FDFT1: variants seen among roughly 807,000 people sequenced by gnomAD.
FDFT1 encodes the protein squalene synthase.
FDFT1 carries 68 observed loss-of-function variants against 46.8 expected under a neutral mutation model. The ratio of observed to expected loss-of-function variants is 1.45; its 90% CI spans 1.19 to 1.78. FDFT1 has a LOEUF of 1.78. Ranked by LOEUF, FDFT1 falls within the 40% of genes most tolerant of loss-of-function variation. The probability of loss-of-function intolerance (pLI) is 0.00; values close to 1 mark genes in which losing one functional copy is unlikely to be tolerated. For synonymous variants in FDFT1, 351 were observed against 185.1 expected, an observed-to-expected ratio of 1.90 and a Z score of -7.28; for missense variants, 928 against 524.4, an observed-to-expected ratio of 1.77 and a Z score of -7.52.
chr8:11,816,519 T>G (rs1290079461), intron 3 of FDFT1, among the ~76,000 whole-genome samples: 1 of 152,232 alleles, frequency 6.6e-6, no homozygotes, highest in Non-Finnish European at 1.5e-5. Context: ...GTTCTTCCAT[T>G]TGTTTATGGC....
intron 3 of FDFT1, among the ~76,000 whole-genome samples, chr8:11,812,427 T>TG (rs1437540226): frequency 1.3e-5 from 2 of 152,074 alleles, no homozygotes; most frequent in Admixed American, 1.3e-4. Flanking sequence ...CTCAAATGAA[T>TG]GTGAGGTGCC....
At chr8:11,802,624 C>T (rs1806262094), upstream of FDFT1, 1 of 592,924 alleles carries the variant, frequency 1.7e-6, no homozygotes, top group Non-Finnish European at 3.0e-6. Flanking sequence ...CAGCGCCCGT[C>T]AGCCCACCCC....
At chr8:11,819,096 T>C (rs371618657) in intron 3 of FDFT1, among the ~76,000 whole-genome samples, 1 of 152,176 alleles carries the variant, frequency 6.6e-6, no homozygotes, top group African/African-American at 2.4e-5. Context: ...GGATTTTATT[T>C]CTCCTTCACT....
intron 4 of FDFT1, 62 bp downstream of exon 4, chr8:11,821,940 T>G: frequency 6.3e-7 from 1 of 1,579,288 alleles, no homozygotes; most frequent in Non-Finnish European, 8.7e-7. Context: ...GTCCTCATAG[T>G]GAAGCTCAGA....
At chr8:11,815,915 TGGTGTTTTA>T (rs1236951747) in intron 3 of FDFT1, among the ~76,000 whole-genome samples, 1 of 152,236 alleles carries the variant, frequency 6.6e-6, no homozygotes, top group Non-Finnish European at 1.5e-5. Context: ...CCATTGCTTT[TGGTGTTTTA>T]GTCATGAAGT....
intron 1 of FDFT1, 102 bp downstream of exon 1, chr8:11,803,033 G>A (rs1806337366): frequency 6.7e-7 from 1 of 1,491,130 alleles, no homozygotes; most frequent in Non-Finnish European, 8.9e-7. Context: ...GGGGCGCGGC[G>A]AGCAGGGCCG....
rs559723141 is a variant in FDFT1, at chr8:11,803,251, C to G, written c.99+320C>G. On this transcript the variant is annotated intron_variant, in intron 1 of 7. Transcript: ENST00000220584. ...GTATTTTAACCCGAGGGTTACACAT[C>G]TGAGGCAATGTGGGTGGGTTACGCG... 5.8e-6 allele frequency: 8 copies of G among 1,369,636 alleles called. No homozygotes were observed. The Admixed American group carries it at 1.1e-4, about 19-fold the overall frequency. 84.8% of individuals were successfully genotyped at this position (1,369,636 alleles called of 1,614,324 possible). A position where few individuals can be genotyped will look rare whatever the true frequency, so the allele number is the denominator to read the frequency against.
chr8:11,806,691 T>C (rs1806882333), intron 1 of FDFT1, among the ~76,000 whole-genome samples: 1 of 152,168 alleles, frequency 6.6e-6, no homozygotes, highest in Non-Finnish European at 1.5e-5. Flanking sequence ...TGCTGTAGCC[T>C]GGTAATGGTC....
Position 11,810,210 on chromosome 8 carries a change from C to A in FDFT1, c.381+360C>A, listed in dbSNP as rs149917679. Among the ~76,000 whole-genome samples, 311 of 152,298 alleles carry A rather than the reference C, an allele frequency of 2.0e-3. 3 individuals carry two copies. The highest frequency in any genetic ancestry group is 5.0e-3 in the African/African-American group (206 of 41,556). ...TGCTGTTATTATCAGTATTGGAAGT[C>A]CAGTGTTTCTTCCTGTGGGAAGACG... On this transcript the variant is annotated intron_variant, in intron 3 of 7. Transcript: ENST00000220584.
At chr8:11,817,282 A>G (rs980372097) in intron 3 of FDFT1, among the ~76,000 whole-genome samples, 1 of 152,182 alleles carries the variant, frequency 6.6e-6, no homozygotes, top group African/African-American at 2.4e-5. Context: ...ATTATTTTAT[A>G]GAGGATTTTC....
chr8:11,819,184 CT>C (rs1390281576), intron 3 of FDFT1, among the ~76,000 whole-genome samples: 1 of 152,212 alleles, frequency 6.6e-6, no homozygotes, highest in Non-Finnish European at 1.5e-5. Flanking sequence ...CCCCCACTCT[CT>C]TCTGGCTAGT....
chr8:11,806,394 G>T (rs896534568), intron 1 of FDFT1, among the ~76,000 whole-genome samples: 1 of 152,094 alleles, frequency 6.6e-6, no homozygotes, highest in African/African-American at 2.4e-5. Context: ...TTCCTGTTTT[G>T]TTCTTGGTGA....
chr8:11,799,593 G>A (rs1473321335), upstream of FDFT1, among the ~76,000 whole-genome samples: 1 of 152,216 alleles, frequency 6.6e-6, no homozygotes, highest in Non-Finnish European at 1.5e-5. Context: ...GGGGTACAAT[G>A]AGGGCTATCT....
At chr8:11,824,621 G>A (rs953152949) in intron 4 of FDFT1, among the ~76,000 whole-genome samples, 1 of 151,878 alleles carries the variant, frequency 6.6e-6, no homozygotes, top group Non-Finnish European at 1.5e-5. Flanking sequence ...CATGGGCAAT[G>A]TTGGGCAAGT....
intron 4 of FDFT1, among the ~76,000 whole-genome samples, chr8:11,825,221 C>T (rs902459268): frequency 6.6e-6 from 1 of 152,142 alleles, no homozygotes; most frequent in Non-Finnish European, 1.5e-5. Context: ...GTTGCCTTCT[C>T]TCATAGTTTT....
At chr8:11,822,484 A>C (rs1427208809) in intron 4 of FDFT1, among the ~76,000 whole-genome samples, 1 of 152,208 alleles carries the variant, frequency 6.6e-6, no homozygotes, top group African/African-American at 2.4e-5. Flanking sequence ...TCCTAAGTTA[A>C]CAGCATACAA....
chr8:11,818,391 G>A (rs141383936), intron 3 of FDFT1, among the ~76,000 whole-genome samples: 8,035 of 152,240 alleles, frequency 0.053, 365 homozygotes, highest in African/African-American at 0.12. Flanking sequence ...TTGGTCCAGA[G>A]CTGAGTTCAA....
chr8:11,822,284 G>T (rs73663015), intron 4 of FDFT1, among the ~76,000 whole-genome samples: 1,826 of 152,282 alleles, frequency 0.012, 31 homozygotes, highest in African/African-American at 0.042. Context: ...GTCAGATTTA[G>T]CAGGCAGAGA....
Position 11,831,681 on chromosome 8 carries a change from A to T in FDFT1, c.1032+11A>T, listed in dbSNP as rs765556816. 1.4e-5 allele frequency: 23 copies of T among 1,605,586 alleles called. 1 individual carries two copies. In the South Asian group the frequency reaches 2.5e-4, roughly 18 times the overall value. ...CAGTATATGGAAGAGGTGGGTTTTTATTTAACTACTTGGATAATTTGTAGC... is the reference window on the plus strand; with the variant it reads ...CAGTATATGGAAGAGGTGGGTTTTTTTTTAACTACTTGGATAATTTGTAGC... On this transcript the variant is annotated intron_variant, in intron 7 of 7. Coordinates refer to ENST00000220584, the MANE Select transcript of FDFT1 (RefSeq NM_004462.5).
Sources: allele counts gnomAD v4.1 joint callset (sites outside exome capture counted in the v4.1 genomes callset), GRCh38; gene constraint gnomAD v4.1.1; transcripts MANE v1.5; gene names NCBI Gene and HGNC (gene_info 2026-07-23, HGNC 2026-07-21).